ECE1: variants seen among roughly 807,000 people sequenced by gnomAD.
ECE1 encodes endothelin-converting enzyme 1.
ECE1 carries 35 observed loss-of-function variants against 98.6 expected under a neutral mutation model. The observed-to-expected ratio is 0.35, with a 90% CI of 0.27 to 0.47. The LOEUF is 0.47. ECE1 is among the 20% of genes least tolerant of loss of function. The pLI, the probability that ECE1 is intolerant of heterozygous loss-of-function variation, is 1.00. For missense variants in ECE1, 814 were observed against 1,025.3 expected (o/e 0.79, Z 2.81); for synonymous variants, 394 against 407.1 (o/e 0.97, Z 0.39).
chr1:21,257,794 C>G lies in ECE1; in HGVS notation c.763-204G>C, dbSNP rs78407131. The stretch of plus-strand genomic sequence containing the variant: ...CCTGCCTGTCCACGTGGCCCCCCCC[C>G]GCAGGGCTCCTGGGCTCCTCAGAAG... On this transcript the variant is annotated intron_variant, in intron 6 of 18. Coordinates refer to ENST00000374893, the MANE Select transcript of ECE1 (RefSeq NM_001397.3). Among the ~76,000 whole-genome samples the G allele has an allele frequency of 5.3e-5, 8 of 152,142 alleles. No individual in the cohort carries two copies. In the East Asian group the frequency reaches 1.2e-3, roughly 22 times the overall value.
chr1:21,291,595 T>G (rs561324715), upstream of ECE1, among the ~76,000 whole-genome samples: 13 of 152,156 alleles, frequency 8.5e-5, no homozygotes, highest in African/African-American at 2.4e-4. Flanking sequence ...GGAGGCCAAG[T>G]TGGGTAGATC....
chr1:21,321,868 G>A (rs938954793), intron 1 of ECE1, among the ~76,000 whole-genome samples: 5 of 152,092 alleles, frequency 3.3e-5, no homozygotes, highest in African/African-American at 1.2e-4. Flanking sequence ...CACCCACCTT[G>A]GCCTCCCAAA....
intron 1 of ECE1, among the ~76,000 whole-genome samples, chr1:21,321,523 T>C (rs1638963388): frequency 6.6e-6 from 1 of 152,052 alleles, no homozygotes; most frequent in African/African-American, 2.4e-5. Flanking sequence ...CAATATGGAA[T>C]GAGCACCTAC....
chr1:21,316,994 A>AAGACAGTCACTGAAGAGTCTCTCCC (rs1161173144), intron 1 of ECE1, among the ~76,000 whole-genome samples: 3 of 152,120 alleles, frequency 2.0e-5, no homozygotes, highest in Non-Finnish European at 4.4e-5. Flanking sequence ...TAACAGTATC[A>AAGACAGTCACTGAAGAGTCTCTCCC]AGACAGTCAC....
chr1:21,227,346 G>C, intron 15 of ECE1, 120 bp from the exon 16 acceptor site: 2 of 1,012,558 alleles, frequency 2.0e-6, no homozygotes, highest in East Asian at 5.0e-5. Context: ...ACAGGGCTCT[G>C]TGTGGATAAG....
At chr1:21,251,006 C>CAA (rs34736003) in intron 8 of ECE1, among the ~76,000 whole-genome samples, 1 of 144,638 alleles carries the variant, frequency 6.9e-6, no homozygotes, top group African/African-American at 2.5e-5. Context: ...GACTCAGTCT[C>CAA]AAAAAAAAAA....
chr1:21,264,745 G>A (rs563999966), intron 4 of ECE1, among the ~76,000 whole-genome samples: 1 of 152,354 alleles, frequency 6.6e-6, no homozygotes, highest in South Asian at 2.1e-4. Flanking sequence ...ACTAAGAATA[G>A]CAACAGACAT....
intron 12 of ECE1, 110 bp downstream of exon 12, chr1:21,236,636 C>G (rs189620090): frequency 1.8e-6 from 2 of 1,105,734 alleles, no homozygotes; most frequent in Non-Finnish European, 2.7e-6. Flanking sequence ...GTAACAAGAA[C>G]GAAACTCTGC....
At chr1:21,264,529 G>A (rs188311828) in intron 4 of ECE1, among the ~76,000 whole-genome samples, 1 of 152,228 alleles carries the variant, frequency 6.6e-6, no homozygotes, top group East Asian at 1.9e-4. Flanking sequence ...TGGCCAGGCT[G>A]TTCTCAAACT....
intron 4 of ECE1, among the ~76,000 whole-genome samples, chr1:21,269,374 T>C (rs2098237682): frequency 6.6e-6 from 1 of 152,222 alleles, no homozygotes; most frequent in Non-Finnish European, 1.5e-5. Flanking sequence ...ATTCTGCACC[T>C]CCTTCCTGAC....
chr1:21,235,797 C>G lies in ECE1; in HGVS notation c.1566+53G>C. 1 of 1,592,870 alleles carries G rather than the reference C, an allele frequency of 6.3e-7. No homozygotes were observed. Among genetic ancestry groups the G allele is most frequent in the Non-Finnish European group, 8.6e-7 (1 of 1,160,670 alleles). ...ATCTGGACCCAGCCCTGCCTCGGCC[C>G]TTTTCTAAGGGGGCATTTAGGAACG... On this transcript the variant is annotated intron_variant, in intron 13 of 18. Coordinates refer to ENST00000374893, the MANE Select transcript of ECE1 (RefSeq NM_001397.3). The surrounding 1 kb of genome is among the most constrained non-coding windows in gnomAD (Gnocchi z 4.2).
At chr1:21,308,721 A>G (rs1025057573) in intron 1 of ECE1, among the ~76,000 whole-genome samples, 8 of 150,432 alleles carry the variant, frequency 5.3e-5, no homozygotes, top group African/African-American at 2.0e-4. Context: ...GCCTTTGTGC[A>G]TGGGAGGGGC....
intron 2 of ECE1, among the ~76,000 whole-genome samples, chr1:21,284,603 G>A (rs2098258514): frequency 6.6e-6 from 1 of 152,220 alleles, no homozygotes; most frequent in Non-Finnish European, 1.5e-5. Context: ...CACAGCCAAG[G>A]GAACAAAGCC....
In ECE1 at chr1:21,290,127, G is replaced by A. The variant is rs771309497; in HGVS notation, c.81C>T (p.Asp27=). The change falls in exon 2 of 19, where the codon GAC becomes GAT. Residue 27 remains aspartate (D), a synonymous_variant. Transcript: ENST00000374893. The surrounding 1 kb of genome is among the most constrained non-coding windows in gnomAD (Gnocchi z 7.3). ...AGAGCGAGTCCACCAGGTCCTCCTC[G>A]TCCAGCGTGGCCCGCTTGTACGTCG... ...GMSTYKRATL[D]EEDLVDSLSE... is the part of the protein sequence containing the mutation. 5 of 1,562,296 alleles carry A rather than the reference G, an allele frequency of 3.2e-6. 1 individual carries two copies. Among genetic ancestry groups the A allele is most frequent in the South Asian group, 2.3e-5 (2 of 85,164 alleles).
intron 1 of ECE1, among the ~76,000 whole-genome samples, chr1:21,342,822 T>C (rs1639427232): frequency 6.6e-6 from 1 of 152,108 alleles, no homozygotes; most frequent in South Asian, 2.1e-4. Flanking sequence ...AACCAATGTT[T>C]AGAGGAAATT....
chr1:21,316,525 C>T (rs1203319437), intron 1 of ECE1, among the ~76,000 whole-genome samples: 6 of 152,044 alleles, frequency 3.9e-5, no homozygotes, highest in Admixed American at 2.6e-4. Context: ...CCACCCGTCT[C>T]GGCCTCCTAA....
chr1:21,220,115 C>T lies in ECE1; in HGVS notation c.2153G>A (p.Arg718His), dbSNP rs757207956. ...LGFAQVWCSVRTPESSHEGLI... is the reference protein window; with the variant it reads ...LGFAQVWCSVHTPESSHEGLI... ...GCCTTCGTGGGAGCTCTCAGGTGTGCGGACGGAGCACCAGACCTTTGAAGG... is the reference window on the plus strand; with the variant it reads ...GCCTTCGTGGGAGCTCTCAGGTGTGTGGACGGAGCACCAGACCTTTGAAGG... The change falls in exon 19 of 19, where the codon CGC becomes CAC. Residue 718 changes from arginine to histidine, a missense_variant. Arg to His is a conservative substitution (Grantham distance 29). This residue lies in a region of ECE1 where 452 missense variants were observed against 567.3 expected (regional missense o/e 0.80). Coordinates refer to ENST00000374893, the MANE Select transcript of ECE1 (RefSeq NM_001397.3). The surrounding 1 kb of genome is among the most constrained non-coding windows in gnomAD (Gnocchi z 5.0). The T allele has an allele frequency of 1.7e-5, 28 of 1,612,406 alleles. No homozygotes were observed. In the African/African-American group the frequency reaches 2.8e-4, roughly 16 times the overall value.
chr1:21,301,748 C>T (rs949041818), intron 1 of ECE1, among the ~76,000 whole-genome samples: 2 of 147,842 alleles, frequency 1.4e-5, no homozygotes, highest in Non-Finnish European at 3.0e-5. Context: ...ATTACTTGAA[C>T]CCAGGAGGTG....
At chr1:21,253,659 A>G (rs58405346) in intron 8 of ECE1, among the ~76,000 whole-genome samples, 28,506 of 150,660 alleles carry the variant, frequency 0.19, 3,322 homozygotes, top group Non-Finnish European at 0.26. Flanking sequence ...GCTACTCGGG[A>G]GGCTGAGGTG....
Sources: allele counts gnomAD v4.1 joint callset (sites outside exome capture counted in the v4.1 genomes callset), GRCh38; gene constraint gnomAD v4.1.1; regional missense constraint gnomAD v4.1.1; non-coding constraint Gnocchi (gnomAD v3.1); transcripts MANE v1.5; gene names NCBI Gene and HGNC (gene_info 2026-07-23, HGNC 2026-07-21).